TAF3: variants seen among roughly 807,000 people sequenced by gnomAD.
TAF3 encodes the protein TATA-box binding protein associated factor 3, also known as transcription initiation factor TFIID subunit 3.
Under a neutral mutation model 80.6 loss-of-function variants are expected in TAF3, and 7 were observed. The ratio of observed to expected loss-of-function variants is 0.09; its 90% confidence interval spans 0.05 to 0.16. The LOEUF (loss-of-function observed/expected upper bound fraction) is 0.16. TAF3 is among the 10% of genes least tolerant of loss of function. TAF3 has a pLI of 1.00. For synonymous variants in TAF3, 444 were observed against 446.1 expected (o/e 1.00, Z 0.06); for missense variants, 921 against 1,140.2 (o/e 0.81, Z 2.77).
At chr10:7,971,116 G>A (rs1045719868) in intron 3 of TAF3, among the ~76,000 whole-genome samples, 5 of 152,152 alleles carry the variant, frequency 3.3e-5, no homozygotes, top group African/African-American at 1.2e-4. Context: ...CTCTGAGCAC[G>A]GACGGGAAAG....
chr10:7,904,895 T>C (rs889807335), intron 2 of TAF3, among the ~76,000 whole-genome samples: 1 of 151,994 alleles, frequency 6.6e-6, no homozygotes, highest in African/African-American at 2.4e-5. Context: ...TGAACCCCAA[T>C]TCCCCGCACT....
intron 2 of TAF3, among the ~76,000 whole-genome samples, chr10:7,930,408 G>A (rs745402835): frequency 7.2e-5 from 11 of 152,224 alleles, no homozygotes; most frequent in Middle Eastern, 3.4e-3. Context: ...ATATAGACTC[G>A]TACAGCCCTA....
At chr10:7,875,740 A>G (rs946904086) in intron 2 of TAF3, among the ~76,000 whole-genome samples, 1 of 152,190 alleles carries the variant, frequency 6.6e-6, no homozygotes, top group African/African-American at 2.4e-5. Flanking sequence ...TCTGGTGTCT[A>G]ATTACTCAAA....
At chr10:7,993,250 C>T (rs1393792868) in intron 4 of TAF3, among the ~76,000 whole-genome samples, 1 of 152,200 alleles carries the variant, frequency 6.6e-6, no homozygotes, top group African/African-American at 2.4e-5. Flanking sequence ...ACGATCATAA[C>T]TCACTGCAGC....
At chr10:7,893,653 T>G (rs1271721195) in intron 2 of TAF3, among the ~76,000 whole-genome samples, 1 of 152,228 alleles carries the variant, frequency 6.6e-6, no homozygotes, top group Non-Finnish European at 1.5e-5. Context: ...GCCCTGACTC[T>G]TGCCAGTTCC....
chr10:7,985,183 T>C (rs781330557), intron 4 of TAF3, among the ~76,000 whole-genome samples: 9 of 152,230 alleles, frequency 5.9e-5, no homozygotes, highest in Non-Finnish European at 1.2e-4. Context: ...AGTCTCAGCA[T>C]GTGGAACTGC....
intron 4 of TAF3, among the ~76,000 whole-genome samples, chr10:7,987,931 T>G (rs1242649121): frequency 6.6e-6 from 1 of 152,204 alleles, no homozygotes; most frequent in Non-Finnish European, 1.5e-5. Context: ...TGAGTTTTTC[T>G]TCATTAAGTG....
At chr10:7,909,379 C>A (rs1045662269) in intron 2 of TAF3, among the ~76,000 whole-genome samples, 2 of 152,180 alleles carry the variant, frequency 1.3e-5, no homozygotes, top group Non-Finnish European at 2.9e-5. Flanking sequence ...TTCACTACCT[C>A]AGCACTTGGC....
intron 2 of TAF3, among the ~76,000 whole-genome samples, chr10:7,825,126 G>C (rs1836727777): frequency 6.6e-6 from 1 of 152,072 alleles, no homozygotes; most frequent in Non-Finnish European, 1.5e-5. Flanking sequence ...CTTTTTTCCT[G>C]CATAATTTTA....
At chr10:7,974,199 A>G (rs896208081) in intron 3 of TAF3, among the ~76,000 whole-genome samples, 5 of 151,496 alleles carry the variant, frequency 3.3e-5, no homozygotes, top group Admixed American at 6.6e-5. Context: ...TTGAATGCTA[A>G]CTAGTTATGC....
At chr10:7,912,816 G>A (rs970945965) in intron 2 of TAF3, among the ~76,000 whole-genome samples, 6 of 151,812 alleles carry the variant, frequency 4.0e-5, no homozygotes, top group Non-Finnish European at 8.8e-5. Context: ...GCTGTTTGGC[G>A]AGGCACTGGT....
chr10:7,824,609 T>C, intron 2 of TAF3, 49 bp downstream of exon 2: 1 of 1,586,290 alleles, frequency 6.3e-7, no homozygotes, highest in Non-Finnish European at 8.6e-7. Context: ...TTAATGGATT[T>C]TTAATCCTCT....
chr10:7,893,110 G>A (rs1015013236), intron 2 of TAF3, among the ~76,000 whole-genome samples: 2 of 151,968 alleles, frequency 1.3e-5, no homozygotes, highest in Non-Finnish European at 2.9e-5. Flanking sequence ...GTGAGCCACC[G>A]TGCCCAGCTT....
intron 2 of TAF3, among the ~76,000 whole-genome samples, chr10:7,957,052 A>C (rs1838142780): frequency 6.6e-6 from 1 of 152,148 alleles, no homozygotes. Context: ...TTTTCAATAC[A>C]TTCTCACACG....
chr10:7,958,225 G>A (rs1037171486), intron 2 of TAF3, among the ~76,000 whole-genome samples: 4 of 152,132 alleles, frequency 2.6e-5, no homozygotes, highest in African/African-American at 9.7e-5. Flanking sequence ...AATTATTCAT[G>A]TAGTAAAAAG....
intron 2 of TAF3, among the ~76,000 whole-genome samples, chr10:7,916,410 T>C (rs934633580): frequency 1.3e-5 from 2 of 152,226 alleles, no homozygotes; most frequent in African/African-American, 2.4e-5. Context: ...AGCTATGAAG[T>C]TGGATAAATA....
At chr10:7,999,212 T>A (rs891845302) in intron 4 of TAF3, among the ~76,000 whole-genome samples, 1 of 152,156 alleles carries the variant, frequency 6.6e-6, no homozygotes, top group Non-Finnish European at 1.5e-5. Context: ...GGTATTCTAT[T>A]TAAAGCTGAT....
intron 2 of TAF3, among the ~76,000 whole-genome samples, chr10:7,856,858 C>CAAAAAAAAA (rs57207229): frequency 3.3e-5 from 3 of 91,158 alleles, no homozygotes; most frequent in South Asian, 3.5e-4. Flanking sequence ...AGCTGGTTCT[C>CAAAAAAAAA]AAAAAAAAAA....
chr10:7,979,928 C>T (rs1831710564), intron 4 of TAF3, among the ~76,000 whole-genome samples: 1 of 152,070 alleles, frequency 6.6e-6, no homozygotes, highest in South Asian at 2.1e-4. Flanking sequence ...TTTTATATTT[C>T]TTAGTGGCTG....
Sources: allele counts gnomAD v4.1 joint callset (sites outside exome capture counted in the v4.1 genomes callset), GRCh38; gene constraint gnomAD v4.1.1; transcripts MANE v1.5; gene names NCBI Gene and HGNC (gene_info 2026-07-23, HGNC 2026-07-21).